Variants in ADAMTS17 observed in about 807,000 individuals in gnomAD.
ADAMTS17 encodes the protein ADAM metallopeptidase with thrombospondin type 1 motif 17.
ADAMTS17 carries 113 observed loss-of-function variants against 141.5 expected under a neutral mutation model. That is an observed-to-expected ratio of 0.80 (90% confidence interval 0.69 to 0.93). The LOEUF (loss-of-function observed/expected upper bound fraction) is 0.93, where lower values mean the gene tolerates loss of function less well. Ranked by LOEUF, ADAMTS17 falls within the 40% of genes least tolerant of loss-of-function variation. The probability of loss-of-function intolerance (pLI) is 0.00; values close to 1 mark genes in which losing one functional copy is unlikely to be tolerated. For synonymous variants in ADAMTS17, 768 were observed against 630.6 expected, an observed-to-expected ratio of 1.22 and a Z score of -3.27; for missense variants, 1,659 against 1,517.9, an observed-to-expected ratio of 1.09 and a Z score of -1.54.
intron 18 of ADAMTS17, among the ~76,000 whole-genome samples, chr15:100,030,418 C>A (rs535038914): frequency 6.6e-6 from 1 of 152,168 alleles, no homozygotes; most frequent in Non-Finnish European, 1.5e-5. Context: ...CTGGCAGGAA[C>A]CAGCCTTTCA....
chr15:100,329,105 G>A (rs1011643228), intron 3 of ADAMTS17, among the ~76,000 whole-genome samples: 6 of 152,142 alleles, frequency 3.9e-5, no homozygotes, highest in South Asian at 2.1e-4. Context: ...GGACCCAGGC[G>A]TGAGTAGCTG....
chr15:100,324,977 T>A (rs1202245089), intron 3 of ADAMTS17, among the ~76,000 whole-genome samples: 1 of 152,236 alleles, frequency 6.6e-6, no homozygotes, highest in Admixed American at 6.5e-5. Context: ...ATCAAGAGTG[T>A]AACTGAATAG....
At chr15:100,155,036 T>C in intron 9 of ADAMTS17, 144 bp downstream of exon 9, 1 of 1,201,846 alleles carries the variant, frequency 8.3e-7, no homozygotes, top group African/African-American at 1.5e-5. Flanking sequence ...TATAGGACAC[T>C]CTGCGCTGAC....
chr15:100,327,080 C>A (rs1414304242), intron 3 of ADAMTS17, among the ~76,000 whole-genome samples: 3 of 152,106 alleles, frequency 2.0e-5, no homozygotes, highest in Non-Finnish European at 4.4e-5. Context: ...AAAACTCAGA[C>A]CTTGGCGATG....
In ADAMTS17 at chr15:100,143,648, T is replaced by C. The variant is rs562167566; in HGVS notation, c.1473+8964A>G. Among the ~76,000 whole-genome samples the C allele has an allele frequency of 9.1e-4, 138 of 152,346 alleles. 1 individual carries two copies. The highest frequency in any genetic ancestry group is 1.6e-3 in the Non-Finnish European group (108 of 68,030). On this transcript the variant is annotated intron_variant, in intron 10 of 21. Transcript: ENST00000268070. ...TATTTCCATAGACAGCTTTGAGCCTTACAATACTAGCATTCTGCAGACAGA... is the reference window on the plus strand; with the variant it reads ...TATTTCCATAGACAGCTTTGAGCCTCACAATACTAGCATTCTGCAGACAGA...
chr15:100,208,149 C>T (rs1376322521), intron 7 of ADAMTS17, among the ~76,000 whole-genome samples: 4 of 151,984 alleles, frequency 2.6e-5, no homozygotes, highest in Admixed American at 2.6e-4. Context: ...CCAGGTCTGT[C>T]AGGAACCCAG....
At chr15:100,135,898 G>C (rs757416565) in intron 10 of ADAMTS17, among the ~76,000 whole-genome samples, 1 of 152,196 alleles carries the variant, frequency 6.6e-6, no homozygotes, top group Non-Finnish European at 1.5e-5. Context: ...ACAGCAGCCA[G>C]AATGGGTAGA....
intron 7 of ADAMTS17, among the ~76,000 whole-genome samples, chr15:100,243,901 C>G (rs1360809700): frequency 3.9e-5 from 6 of 152,036 alleles, no homozygotes; most frequent in Non-Finnish European, 8.8e-5. Context: ...CACAACAACC[C>G]TAGATACTAT....
chr15:100,114,054 A>G (rs942039037), intron 13 of ADAMTS17, among the ~76,000 whole-genome samples: 29 of 152,178 alleles, frequency 1.9e-4, no homozygotes, highest in African/African-American at 7.0e-4. Flanking sequence ...TTTTCCATTT[A>G]GAAATATTTT....
intron 15 of ADAMTS17, among the ~76,000 whole-genome samples, chr15:100,077,719 G>A (rs938404009): frequency 2.0e-5 from 3 of 152,128 alleles, no homozygotes; most frequent in South Asian, 4.1e-4. Flanking sequence ...AGACAAGGAC[G>A]TCCTGCTACT....
chr15:100,116,558 C>T (rs952712352), intron 13 of ADAMTS17, among the ~76,000 whole-genome samples: 6 of 152,252 alleles, frequency 3.9e-5, no homozygotes, highest in South Asian at 2.1e-4. Context: ...CCACACATGG[C>T]GCCAGGGGCA....
intron 12 of ADAMTS17, among the ~76,000 whole-genome samples, chr15:100,119,440 G>A (rs2037339300): frequency 6.6e-6 from 1 of 152,154 alleles, no homozygotes; most frequent in African/African-American, 2.4e-5. Context: ...AATAAAGAAA[G>A]CTACCTTTCC....
At chr15:100,260,486 C>T (rs532618081) in intron 6 of ADAMTS17, among the ~76,000 whole-genome samples, 25 of 151,886 alleles carry the variant, frequency 1.6e-4, no homozygotes, top group Non-Finnish European at 2.6e-4. Context: ...TGGTGGCACA[C>T]GCCTGTAATC....
chr15:100,282,571 C>G (rs2044319973), intron 3 of ADAMTS17, among the ~76,000 whole-genome samples: 1 of 152,228 alleles, frequency 6.6e-6, no homozygotes, highest in Admixed American at 6.5e-5. Flanking sequence ...AGGTCTCTCT[C>G]TCAAAATCGC....
chr15:100,303,530 C>T (rs1042374923), intron 3 of ADAMTS17, among the ~76,000 whole-genome samples: 12 of 152,090 alleles, frequency 7.9e-5, no homozygotes, highest in Non-Finnish European at 1.5e-4. Flanking sequence ...AAGAAACCAT[C>T]GCCTAAACCT....
chr15:100,136,535 G>A (rs1041783289), intron 10 of ADAMTS17, among the ~76,000 whole-genome samples: 2 of 152,186 alleles, frequency 1.3e-5, no homozygotes, highest in Non-Finnish European at 1.5e-5. Flanking sequence ...CATTGCAAAT[G>A]ACAAAGTGCT....
intron 7 of ADAMTS17, among the ~76,000 whole-genome samples, chr15:100,205,528 G>A (rs985850415): frequency 6.6e-6 from 1 of 152,146 alleles, no homozygotes; most frequent in African/African-American, 2.4e-5. Context: ...GGGTTCTCCA[G>A]GGAGCAATGT....
intron 12 of ADAMTS17, among the ~76,000 whole-genome samples, chr15:100,119,926 A>G (rs190622657): frequency 4.3e-4 from 66 of 152,278 alleles, no homozygotes; most frequent in Non-Finnish European, 5.9e-5. Context: ...GGTATCTGCT[A>G]TGCTGCTTAC....
intron 4 of ADAMTS17, among the ~76,000 whole-genome samples, chr15:100,280,492 C>T (rs1021212407): frequency 2.6e-5 from 4 of 152,144 alleles, no homozygotes; most frequent in South Asian, 2.1e-4. Context: ...ACATCAACCT[C>T]GGCACACTGC....
Sources: allele counts gnomAD v4.1 joint callset (sites outside exome capture counted in the v4.1 genomes callset), GRCh38; gene constraint gnomAD v4.1.1; transcripts MANE v1.5; gene names NCBI Gene and HGNC (gene_info 2026-07-23, HGNC 2026-07-21).